Variants in CRACR2A observed in about 807,000 individuals in gnomAD.
CRACR2A encodes the protein EF-hand calcium-binding domain-containing protein 4B.
A neutral mutation model predicts 90.5 loss-of-function variants in CRACR2A; 79 were observed. That is an observed-to-expected ratio of 0.87 (90% CI 0.73 to 1.05). CRACR2A has a LOEUF of 1.05. Ranked by LOEUF, CRACR2A falls within the 50% of genes least tolerant of loss-of-function variation. CRACR2A has a pLI of 0.00. For missense variants in CRACR2A, 823 were observed against 897.2 expected (o/e 0.92, Z 1.06); for synonymous variants, 338 against 356.7 (o/e 0.95, Z 0.59).
In CRACR2A at chr12:3,644,458, A is replaced by T. The variant is rs1476286100; in HGVS notation, c.1164+137T>A. The T allele has an allele frequency of 3.3e-6, 3 of 907,566 alleles. No homozygotes were observed. In the African/African-American group the frequency reaches 5.0e-5, roughly 15 times the overall value. 56.2% of individuals were successfully genotyped at this position (907,566 alleles called of 1,614,324 possible). ...CCACCCTGAATTTTTATTATTTGCA[A>T]AACGTTTTCATGCCGTCATCCTGCC... On this transcript the variant is annotated intron_variant, in intron 12 of 19. Coordinates refer to ENST00000440314, the MANE Select transcript of CRACR2A (RefSeq NM_001144958.2).
At chr12:3,747,409 A>G (rs1946643483) in intron 1 of CRACR2A, among the ~76,000 whole-genome samples, 1 of 152,150 alleles carries the variant, frequency 6.6e-6, no homozygotes, top group Non-Finnish European at 1.5e-5. Flanking sequence ...TCTTTGGTCA[A>G]GGTGGGGCTG....
intron 19 of CRACR2A, among the ~76,000 whole-genome samples, chr12:3,615,793 G>A (rs572490610): frequency 6.6e-6 from 1 of 152,242 alleles, no homozygotes; most frequent in African/African-American, 2.4e-5. Context: ...TGTCTCCCTC[G>A]GCAGAAAATG....
At chr12:3,745,828 A>AATAAAAT (rs10629185) in intron 1 of CRACR2A, among the ~76,000 whole-genome samples, 40 of 143,818 alleles carry the variant, frequency 2.8e-4, no homozygotes, top group East Asian at 8.0e-4. Context: ...AATAAAATAA[A>AATAAAAT]GAAAGAAAAG....
chr12:3,737,626 T>TGCAGGTAA (rs1225488443), intron 1 of CRACR2A, among the ~76,000 whole-genome samples: 1 of 151,862 alleles, frequency 6.6e-6, no homozygotes, highest in East Asian at 1.9e-4. Context: ...CAGAAGTAGG[T>TGCAGGTAA]GCAGGTAAAG....
intron 2 of CRACR2A, chr12:3,728,038 T>G (rs1160326629): frequency 2.0e-5 from 3 of 152,198 alleles, no homozygotes; most frequent in African/African-American, 4.8e-5. Flanking sequence ...ATACTTCTTT[T>G]GTATCTGCAC....
Position 3,638,579 on chromosome 12 carries a change from C to T in CRACR2A, c.1272-125G>A, listed in dbSNP as rs992962375. On this transcript the variant is annotated intron_variant, in intron 13 of 19. Coordinates refer to ENST00000440314, the MANE Select transcript of CRACR2A (RefSeq NM_001144958.2). ...ATCACACCTTTGGACAAGAGCAGTC[C>T]GGGAGAGGGAAAAACAAACCAGCCA... is the stretch of plus-strand genomic sequence containing the variant. 47 of 1,144,708 alleles carry T rather than the reference C, an allele frequency of 4.1e-5. No homozygotes were observed. The Middle Eastern group carries it at 2.1e-3, about 52-fold the overall frequency. 70.9% of individuals were successfully genotyped at this position (1,144,708 alleles called of 1,614,324 possible).
intron 12 of CRACR2A, among the ~76,000 whole-genome samples, chr12:3,642,419 T>A (rs1350463885): frequency 1.3e-5 from 2 of 152,190 alleles, no homozygotes; most frequent in Non-Finnish European, 2.9e-5. Context: ...CTTGCTATGT[T>A]GTCCAGGCTG....
chr12:3,712,954 G>A (rs1034487469), intron 3 of CRACR2A, among the ~76,000 whole-genome samples: 3 of 151,932 alleles, frequency 2.0e-5, no homozygotes, highest in Admixed American at 6.6e-5. Context: ...ACATGTAAAA[G>A]AGCTGGGCAA....
intron 4 of CRACR2A, among the ~76,000 whole-genome samples, chr12:3,683,665 T>C (rs1945497821): frequency 6.6e-6 from 1 of 152,240 alleles, no homozygotes; most frequent in Non-Finnish European, 1.5e-5. Flanking sequence ...TATATACTGA[T>C]AGATGTGACT....
intron 1 of CRACR2A, among the ~76,000 whole-genome samples, chr12:3,752,343 CACACACACACACGGACACACACACACAG>C (rs1346555639): frequency 3.2e-4 from 7 of 21,962 alleles, no homozygotes; most frequent in East Asian, 3.4e-3. Flanking sequence ...CACGGACACA[CACACACACACACGGACACACACACACAG>C]ACACACACAC....
At chr12:3,706,723 C>T (rs747500152) in intron 3 of CRACR2A, among the ~76,000 whole-genome samples, 1 of 152,180 alleles carries the variant, frequency 6.6e-6, no homozygotes. Flanking sequence ...GCCTCAGTTT[C>T]CCAAGTAGCT....
chr12:3,635,663 G>A (rs1055455544), intron 14 of CRACR2A, among the ~76,000 whole-genome samples: 2 of 151,960 alleles, frequency 1.3e-5, no homozygotes, highest in African/African-American at 2.4e-5. Flanking sequence ...GCATCAACAC[G>A]CCTGGCTAAT....
At chr12:3,619,771 A>C (rs372087093) in intron 17 of CRACR2A, among the ~76,000 whole-genome samples, 8 of 152,374 alleles carry the variant, frequency 5.3e-5, no homozygotes, top group African/African-American at 1.9e-4. Context: ...GGCCAGGCTT[A>C]GTCCGATGGA....
intron 1 of CRACR2A, among the ~76,000 whole-genome samples, chr12:3,737,702 G>A (rs1243571577): frequency 6.6e-6 from 1 of 152,128 alleles, no homozygotes; most frequent in African/African-American, 2.4e-5. Context: ...TAGTAAGTGG[G>A]GGGAAGGAGC....
chr12:3,646,694 G>A (rs573127786), intron 11 of CRACR2A, among the ~76,000 whole-genome samples: 50 of 152,262 alleles, frequency 3.3e-4, no homozygotes, highest in African/African-American at 1.1e-3. Context: ...TCCTCGCTCC[G>A]CGCGGAGCTG....
At chr12:3,662,453 C>A (rs550349634) in intron 7 of CRACR2A, among the ~76,000 whole-genome samples, 8 of 152,324 alleles carry the variant, frequency 5.3e-5, no homozygotes, top group African/African-American at 1.7e-4. Flanking sequence ...CTATGTTCCT[C>A]CCTACATTGT....
intron 1 of CRACR2A, among the ~76,000 whole-genome samples, chr12:3,734,869 C>T (rs983007770): frequency 6.6e-6 from 1 of 151,840 alleles, no homozygotes; most frequent in Non-Finnish European, 1.5e-5. Context: ...CTGTAGGTGG[C>T]GAGAGAGGGG....
At chr12:3,743,333 C>T (rs1946558771) in intron 1 of CRACR2A, among the ~76,000 whole-genome samples, 2 of 152,198 alleles carry the variant, frequency 1.3e-5, no homozygotes, top group Non-Finnish European at 2.9e-5. Flanking sequence ...AAACGAAGTA[C>T]TATATCAGAC....
At chr12:3,649,085 T>C (rs954114385) in intron 10 of CRACR2A, among the ~76,000 whole-genome samples, 1 of 147,670 alleles carries the variant, frequency 6.8e-6, no homozygotes, top group Admixed American at 6.7e-5. Context: ...TGTTGTGGGG[T>C]GGGGGAAGGG....
Sources: gnomAD v4.1 joint callset for allele counts (sites outside exome capture counted in the v4.1 genomes callset) on GRCh38, gnomAD v4.1.1 for gene constraint, MANE v1.5 for transcripts, NCBI Gene and HGNC (gene_info 2026-07-23, HGNC 2026-07-21) for gene names.